Variants in VAPB observed in about 807,000 individuals in gnomAD.
The protein encoded by VAPB is vesicle-associated membrane protein-associated protein B/C.
Under a neutral mutation model 25.6 loss-of-function variants are expected in VAPB, and 7 were observed. The observed-to-expected ratio is 0.27, with a 90% CI of 0.16 to 0.51. The LOEUF is 0.51. Ranked by LOEUF, VAPB falls within the 20% of genes least tolerant of loss-of-function variation. VAPB has a pLI of 0.97. For synonymous variants in VAPB, 112 were observed against 109.2 expected (o/e 1.03, Z -0.16); for missense variants, 266 against 301.3 (o/e 0.88, Z 0.87).
At chr20:58,417,199 A>T (rs146309443) in intron 1 of VAPB, among the ~76,000 whole-genome samples, 5 of 152,250 alleles carry the variant, frequency 3.3e-5, no homozygotes, top group Non-Finnish European at 7.3e-5. Context: ...TAGCCACCTG[A>T]CTAATAAACA....
At chr20:58,405,236 G>C (rs142757671) in intron 1 of VAPB, among the ~76,000 whole-genome samples, 7 of 152,194 alleles carry the variant, frequency 4.6e-5, no homozygotes, top group African/African-American at 1.7e-4. Context: ...GAGACATTTG[G>C]GAAGAGCATT....
chr20:58,434,755 C>A (rs1989002725), intron 3 of VAPB, 50 bp downstream of exon 3: 2 of 907,250 alleles, frequency 2.2e-6, no homozygotes, highest in Non-Finnish European at 3.7e-6. Flanking sequence ...ATTTAAAAAA[C>A]CAATTAGATA....
At chr20:58,432,473 G>C (rs962425082) in intron 2 of VAPB, 10 of 151,934 alleles carry the variant, frequency 6.6e-5, no homozygotes, top group African/African-American at 2.2e-4. Context: ...GAGTAGTTCA[G>C]GTCAAAGTTC....
At position 58,444,801 on chromosome 20, in the gene VAPB, A is replaced by G. The variant is rs1989243806; in HGVS notation, c.*566A>G. 2.2e-6 allele frequency: 1 copy of G among 454,494 alleles called. No individual in the cohort carries two copies. The highest frequency in any genetic ancestry group is 2.0e-5 in the African/African-American group (1 of 50,032). 28.2% of individuals were successfully genotyped at this position (454,494 alleles called of 1,614,324 possible). ...TGTGGCAGCATCAGACGTACTCGTC[A>G]TAAGTGAGAGGCGTGTGTTGACTGA... is the stretch of plus-strand genomic sequence containing the variant. On this transcript the variant is annotated 3_prime_UTR_variant, in exon 6 of 6. Coordinates refer to ENST00000475243, the MANE Select transcript of VAPB (RefSeq NM_004738.5).
Position 58,438,961 on chromosome 20 carries a change from C to T in VAPB, c.332C>T (p.Pro111Leu), listed in dbSNP as rs777316448. ...TTGTTTTAGTGGAAGGAGGCAAAAC[C>T]GGAAGACCTTATGGATTCAAAACTT... ...DMEAVWKEAKPEDLMDSKLRC... is the reference protein window; with the variant it reads ...DMEAVWKEAKLEDLMDSKLRC... Residue 111 changes from proline (P) to leucine (L), a missense_variant, in exon 4 of 6, where the codon CCG (proline) becomes CTG (leucine). By Grantham distance (98) the Pro-to-Leu change is moderately conservative (BLOSUM62 -3). Transcript: ENST00000475243. 23 of 1,613,586 alleles carry T rather than the reference C, an allele frequency of 1.4e-5. No homozygotes were observed. Among genetic ancestry groups the T allele is most frequent in the African/African-American group, 5.3e-5 (4 of 74,858 alleles).
chr20:58,399,196 A>T (rs1252662236), intron 1 of VAPB, among the ~76,000 whole-genome samples: 1 of 151,796 alleles, frequency 6.6e-6, no homozygotes, highest in African/African-American at 2.4e-5. Context: ...GGTACTGGGG[A>T]GGCTGAGGCA....
intron 1 of VAPB, among the ~76,000 whole-genome samples, chr20:58,407,217 G>A (rs867063886): frequency 3.9e-5 from 6 of 152,162 alleles, no homozygotes; most frequent in Non-Finnish European, 5.9e-5. Flanking sequence ...TTTATCTTTA[G>A]ATGGTTTCTA....
chr20:58,395,959 T>C (rs1987949363), intron 1 of VAPB, among the ~76,000 whole-genome samples: 1 of 152,172 alleles, frequency 6.6e-6, no homozygotes, highest in African/African-American at 2.4e-5. Flanking sequence ...CTCTAGAATA[T>C]TTTTCAAACT....
intron 1 of VAPB, among the ~76,000 whole-genome samples, chr20:58,397,940 G>A (rs564168653): frequency 7.2e-5 from 11 of 152,290 alleles, no homozygotes; most frequent in East Asian, 1.9e-4. Context: ...CCAGGCATAC[G>A]AATTGGATCA....
chr20:58,446,663 C>G lies in VAPB; in HGVS notation c.*2428C>G, dbSNP rs1355977085. 1 of 454,060 alleles carries G rather than the reference C, an allele frequency of 2.2e-6. No homozygotes were observed. The highest frequency in any genetic ancestry group is 7.0e-5 in the East Asian group (1 of 14,380). The allele number at this position is 454,060 out of a possible 1,614,324, so 28.1% of individuals were successfully genotyped here. A position where few individuals can be genotyped will look rare whatever the true frequency, so the allele number is the denominator to read the frequency against. Reference sequence around the variant, plus strand: ...ATTTTGGTTGCAGCTAAAAATCAGTCTCTGAAGTCTCTCTCCCTTCTAGAG... The same window carrying G: ...ATTTTGGTTGCAGCTAAAAATCAGTGTCTGAAGTCTCTCTCCCTTCTAGAG... On this transcript the variant is annotated 3_prime_UTR_variant, in exon 6 of 6. Coordinates refer to ENST00000475243, the MANE Select transcript of VAPB (RefSeq NM_004738.5).
At chr20:58,403,238 T>C (rs1057136173) in intron 1 of VAPB, among the ~76,000 whole-genome samples, 21 of 152,238 alleles carry the variant, frequency 1.4e-4, no homozygotes, top group African/African-American at 4.8e-4. Flanking sequence ...GAGTCAGGAC[T>C]ACCTCTTAGG....
chr20:58,405,002 A>G (rs980849544), intron 1 of VAPB, among the ~76,000 whole-genome samples: 1 of 152,162 alleles, frequency 6.6e-6, no homozygotes, highest in Non-Finnish European at 1.5e-5. Flanking sequence ...GAAGGTGTAC[A>G]TTAAATAAAA....
At position 58,450,568 on chromosome 20, in the gene VAPB, A is replaced by G. The variant is rs1345686246; in HGVS notation, c.*6333A>G. On this transcript the variant is annotated 3_prime_UTR_variant, in exon 6 of 6. Transcript: ENST00000475243. The stretch of plus-strand genomic sequence containing the variant: ...AACTTCCTATAAGAAACTAAAAATG[A>G]TCTATTTCAGTGTTCCTTTCGCCTT... 2.2e-6 allele frequency: 1 copy of G among 454,032 alleles called. No homozygotes were observed. Among genetic ancestry groups the G allele is most frequent in the Admixed American group, 2.3e-5 (1 of 42,562 alleles). The allele number at this position is 454,032 out of a possible 1,614,324, so 28.1% of individuals were successfully genotyped here.
intron 2 of VAPB, among the ~76,000 whole-genome samples, chr20:58,423,104 AG>A (rs1032088406): frequency 2.2e-4 from 34 of 152,224 alleles, no homozygotes; most frequent in Admixed American, 2.1e-3. Flanking sequence ...TAAAGCATAA[AG>A]TTTTTCCAGT....
Position 58,441,061 on chromosome 20 carries a change from G to A in VAPB, c.551G>A (p.Arg184Gln), listed in dbSNP as rs145483046. 1.1e-4 allele frequency: 178 copies of A among 1,613,888 alleles called. No individual in the cohort carries two copies. Among genetic ancestry groups the A allele is most frequent in the African/African-American group, 3.6e-4 (27 of 74,914 alleles). The stretch of plus-strand genomic sequence containing the variant: ...CTGCAAGGTGAAGTTCAGAGGCTAC[G>A]GGAGGAGAACAAGCAGTTCAAGGTA... ...KRLQGEVQRL[R>Q]EENKQFKEED... The change falls in exon 5 of 6, where the codon CGG (arginine) becomes CAG (glutamine). Residue 184 changes from arginine to glutamine, a missense_variant. Arg to Gln is a conservative substitution (Grantham distance 43). Transcript: ENST00000475243.
intron 2 of VAPB, among the ~76,000 whole-genome samples, chr20:58,429,368 C>T (rs780035750): frequency 1.9e-4 from 29 of 152,180 alleles, no homozygotes; most frequent in Non-Finnish European, 3.4e-4. Flanking sequence ...AGGCTGTCGC[C>T]GGTGCTCTGT....
intron 1 of VAPB, among the ~76,000 whole-genome samples, chr20:58,415,115 C>G (rs1013125300): frequency 1.3e-5 from 2 of 152,172 alleles, no homozygotes; most frequent in Non-Finnish European, 2.9e-5. Flanking sequence ...TCTGTATTTG[C>G]CTTGTAAAAC....
chr20:58,394,617 G>T (rs6015265), intron 1 of VAPB, among the ~76,000 whole-genome samples: 32,432 of 152,162 alleles, frequency 0.21, 3,979 homozygotes, highest in African/African-American at 0.32. Flanking sequence ...TGAGTCAAAC[G>T]TAAATCTTCA....
At chr20:58,432,141 T>G (rs1988940826) in intron 2 of VAPB, among the ~76,000 whole-genome samples, 1 of 152,082 alleles carries the variant, frequency 6.6e-6, no homozygotes, top group African/African-American at 2.4e-5. Context: ...GCTGTACTTT[T>G]TTACTCCCAC....
Sources: gnomAD v4.1 joint callset for allele counts (sites outside exome capture counted in the v4.1 genomes callset) on GRCh38, gnomAD v4.1.1 for gene constraint, MANE v1.5 for transcripts, NCBI Gene and HGNC (gene_info 2026-07-23, HGNC 2026-07-21) for gene names.